SLC37A2: variants seen among roughly 807,000 people sequenced by gnomAD.
The protein encoded by SLC37A2 is solute carrier family 37 member 2.
Under a neutral mutation model 70.7 loss-of-function variants are expected in SLC37A2, and 59 were observed. The observed-to-expected ratio is 0.83, with a 90% CI of 0.68 to 1.04. The LOEUF is 1.04. Ranked by LOEUF, SLC37A2 falls within the 50% of genes least tolerant of loss-of-function variation. The probability of loss-of-function intolerance (pLI) is 0.00; values close to 1 mark genes in which losing one functional copy is unlikely to be tolerated. For missense variants in SLC37A2, 580 were observed against 658.1 expected (o/e 0.88, Z 1.30); for synonymous variants, 257 against 262.1 (o/e 0.98, Z 0.19).
rs144034466 is a variant in SLC37A2 at position 125,079,220 on chromosome 11, C to G, written c.423C>G (p.His141Gln). 1 of 1,614,058 alleles carries G rather than the reference C, an allele frequency of 6.2e-7. No individual in the cohort carries two copies. The highest frequency in any genetic ancestry group is 1.3e-5 in the African/African-American group (1 of 74,926). The change falls in exon 5 of 18, where the codon CAC (histidine) becomes CAG (glutamine). Residue 141 changes from histidine to glutamine, a missense_variant. Coordinates refer to ENST00000403796, the MANE Select transcript of SLC37A2 (RefSeq NM_001145290.2). ...GCCTGGGATATTTCTGGAACATCCA[C>G]GAGCTCTGGTACTTTGTGGTCATCC... Reference protein sequence around the residue: ...LFGLGYFWNIHELWYFVVIQV... With the variant: ...LFGLGYFWNIQELWYFVVIQV...
In SLC37A2 at chr11:125,088,181, A is replaced by G. The variant is rs928280457; in HGVS notation, c.*47A>G. The G allele has an allele frequency of 2.2e-5, 34 of 1,548,440 alleles. No homozygotes were observed. The highest frequency in any genetic ancestry group is 1.4e-4 in the Admixed American group (7 of 50,944). ...ATGGAGGGTCCCAGTTGGGTCCCCA[A>G]CGTGCTCCCCATGGGCAAGACAATG... is the stretch of plus-strand genomic sequence containing the variant. On this transcript the variant is annotated 3_prime_UTR_variant, in exon 18 of 18. Transcript: ENST00000403796.
chr11:125,087,534 C>T (rs1949232787), intron 17 of SLC37A2: 1 of 153,052 alleles, frequency 6.5e-6, no homozygotes, highest in African/African-American at 2.4e-5. Context: ...CCCTGAATAC[C>T]TGGCAGAATT....
intron 15 of SLC37A2, 22 bp from the exon 16 acceptor site, chr11:125,085,555 C>A: frequency 6.2e-7 from 1 of 1,613,664 alleles, no homozygotes; most frequent in Non-Finnish European, 8.5e-7. Flanking sequence ...GACCCCTGCT[C>A]ACGAGGCTGT....
rs1949134362 is a variant in SLC37A2, at chr11:125,080,495, T to TG, written c.528-117dup. 1 of 977,340 alleles carries TG rather than the reference T, an allele frequency of 1.0e-6. No homozygotes were observed. The highest frequency in any genetic ancestry group is 3.0e-5 in the East Asian group (1 of 33,040). 60.5% of individuals were successfully genotyped at this position (977,340 alleles called of 1,614,324 possible). On this transcript the variant is annotated intron_variant, in intron 6 of 17. Transcript: ENST00000403796. The surrounding 1 kb of genome is among the most constrained non-coding windows in gnomAD (Gnocchi z 4.3). ...TGACTTGGGGCTTTGGGGCTGTCTT[T>TG]GGTGCCTCGGGGAAGCTGTAGTCAG...
intron 1 of SLC37A2, among the ~76,000 whole-genome samples, chr11:125,065,901 C>T (rs1383892667): frequency 6.6e-6 from 1 of 152,144 alleles, no homozygotes; most frequent in East Asian, 1.9e-4. Context: ...AAAGCAGAAT[C>T]TACTAAGTTC....
At chr11:125,084,192 GTCC>G in intron 11 of SLC37A2, 39 bp from the exon 12 acceptor site, 1 of 1,608,722 alleles carries the variant, frequency 6.2e-7, no homozygotes, top group Non-Finnish European at 8.5e-7. Flanking sequence ...GGATGGCAGG[GTCC>G]TGTCTGGGAG....
intron 14 of SLC37A2, 116 bp downstream of exon 14, chr11:125,085,255 C>A: frequency 7.7e-7 from 1 of 1,302,296 alleles, no homozygotes; most frequent in Non-Finnish European, 1.1e-6. Flanking sequence ...CCGTCAAAGT[C>A]CTTCAGAACG....
In SLC37A2 at chr11:125,083,051, C is replaced by G. The variant is rs547992476; in HGVS notation, c.976+717C>G. 1 of 152,616 alleles carries G rather than the reference C, an allele frequency of 6.6e-6. No homozygotes were observed. Among genetic ancestry groups the G allele is most frequent in the East Asian group, 1.9e-4 (1 of 5,170 alleles). 9.5% of individuals were successfully genotyped at this position (152,616 alleles called of 1,614,324 possible). On this transcript the variant is annotated intron_variant, in intron 10 of 17. Transcript: ENST00000403796. This position sits in a 1 kb window ranked among gnomAD's most constrained non-coding sequence, Gnocchi z 4.6. Reference sequence around the variant, plus strand: ...CTCCAAGCTCCACCAGGGCTGAGGGCCTGTCACCCAGTACTGCTGCCCTCC... The same window carrying G: ...CTCCAAGCTCCACCAGGGCTGAGGGGCTGTCACCCAGTACTGCTGCCCTCC...
At chr11:125,082,005 C>A in intron 9 of SLC37A2, 99 bp downstream of exon 9, 1 of 1,390,364 alleles carries the variant, frequency 7.2e-7, no homozygotes, top group Non-Finnish European at 9.7e-7. Context: ...TTTTCTAGAA[C>A]TTCTTTATAG....
chr11:125,087,923 C>T (rs887606562), intron 17 of SLC37A2, 196 bp from the exon 18 acceptor site: 24 of 594,776 alleles, frequency 4.0e-5, no homozygotes, highest in African/African-American at 7.5e-5. Flanking sequence ...TGAGCCACCG[C>T]GCCCGGCCAG....
At position 125,090,506 on chromosome 11, in the gene SLC37A2, G is replaced by A. The variant is rs1949275584; in HGVS notation, c.*2372G>A. ...AGCTTTGTTCTTTGCAATAAATCTTGCTACTGCTCACTCTTTGAGTCCACG... is the reference window on the plus strand; with the variant it reads ...AGCTTTGTTCTTTGCAATAAATCTTACTACTGCTCACTCTTTGAGTCCACG... On this transcript the variant is annotated 3_prime_UTR_variant, in exon 18 of 18. Transcript: ENST00000403796. Among the ~76,000 whole-genome samples the A allele has an allele frequency of 6.6e-6, 1 of 152,162 alleles. No individual in the cohort carries two copies. Among genetic ancestry groups the A allele is most frequent in the Non-Finnish European group, 1.5e-5 (1 of 68,044 alleles).
chr11:125,073,129 C>A (rs965983723), intron 1 of SLC37A2, among the ~76,000 whole-genome samples: 12 of 152,152 alleles, frequency 7.9e-5, no homozygotes, highest in African/African-American at 2.7e-4. Flanking sequence ...TGGAGGAGGG[C>A]AGGGCTGGAA....
chr11:125,071,617 G>C (rs774158294), intron 1 of SLC37A2, among the ~76,000 whole-genome samples: 1 of 152,256 alleles, frequency 6.6e-6, no homozygotes. Flanking sequence ...CAAGCCCCGA[G>C]TCATCTCGAT....
At chr11:125,077,395 C>T in intron 3 of SLC37A2, 55 bp from the exon 4 acceptor site, 1 of 1,595,486 alleles carries the variant, frequency 6.3e-7, no homozygotes, top group East Asian at 2.2e-5. Flanking sequence ...CCAGGGAGGG[C>T]TTCCTGCAGG....
intron 17 of SLC37A2, 45 bp from the exon 18 acceptor site, chr11:125,088,074 A>G: frequency 6.5e-7 from 1 of 1,550,150 alleles, no homozygotes; most frequent in Non-Finnish European, 8.7e-7. Context: ...GAGCTTATGA[A>G]GTCATCTCAC....
In SLC37A2 at chr11:125,079,190, C is replaced by T. The variant is rs151277071; in HGVS notation, c.393C>T (p.Leu131=). Residue 131 remains leucine (L), a synonymous_variant, in exon 5 of 18, where the codon CTC becomes CTT. Transcript: ENST00000403796. ...TGCTCAGTGGCCTTTTCACCTCGCT[C>T]TTTGGCCTGGGATATTTCTGGAACA... ...GMLLSGLFTS[L]FGLGYFWNIH... 9.3e-6 allele frequency: 15 copies of T among 1,614,092 alleles called. No homozygotes were observed. The highest frequency in any genetic ancestry group is 2.2e-5 in the East Asian group (1 of 44,900).
At chr11:125,077,704 C>T (rs915379482) in intron 4 of SLC37A2, among the ~76,000 whole-genome samples, 176 bp downstream of exon 4, 5 of 152,238 alleles carry the variant, frequency 3.3e-5, no homozygotes, top group Non-Finnish European at 5.9e-5. Flanking sequence ...GCCTGGTAGA[C>T]TCCCACTGGT....
intron 1 of SLC37A2, among the ~76,000 whole-genome samples, chr11:125,068,848 T>C (rs915352818): frequency 6.6e-6 from 1 of 152,230 alleles, no homozygotes; most frequent in African/African-American, 2.4e-5. Flanking sequence ...TAAAGACTTA[T>C]AGTCTGAAAA....
chr11:125,071,988 GT>G (rs1208719911), intron 1 of SLC37A2, among the ~76,000 whole-genome samples: 1 of 152,098 alleles, frequency 6.6e-6, no homozygotes, highest in Non-Finnish European at 1.5e-5. Flanking sequence ...CTCTGGACAA[GT>G]GCCAAAGTCA....
Sources: allele counts gnomAD v4.1 joint callset (sites outside exome capture counted in the v4.1 genomes callset), GRCh38; gene constraint gnomAD v4.1.1; non-coding constraint Gnocchi (gnomAD v3.1); transcripts MANE v1.5; gene names NCBI Gene and HGNC (gene_info 2026-07-23, HGNC 2026-07-21).